The following PTPN6 variants were observed in gnomAD, a reference collection of about 807,000 sequenced individuals.
The protein encoded by PTPN6 is protein tyrosine phosphatase non-receptor type 6.
A neutral mutation model predicts 81.5 loss-of-function variants in PTPN6; 18 were observed. The observed-to-expected ratio is 0.22, with a 90% CI of 0.15 to 0.33. The LOEUF (loss-of-function observed/expected upper bound fraction) is 0.33, where lower values mean the gene tolerates loss of function less well. Ranked by LOEUF, PTPN6 falls within the 10% of genes least tolerant of loss-of-function variation. The probability of loss-of-function intolerance (pLI) is 1.00; values close to 1 mark genes in which losing one functional copy is unlikely to be tolerated. For synonymous variants in PTPN6, 301 were observed against 310.9 expected (o/e 0.97, Z 0.33); for missense variants, 500 against 794.2 (o/e 0.63, Z 4.45).
In PTPN6 at chr12:6,957,532, C is replaced by T; in HGVS notation, c.1075-122C>T. On this transcript the variant is annotated intron_variant, in intron 9 of 15. Coordinates refer to ENST00000318974, the MANE Select transcript of PTPN6 (RefSeq NM_002831.6). The surrounding 1 kb of genome is among the most constrained non-coding windows in gnomAD (Gnocchi z 6.5). ...CCCAGGTCTCCTGCCTCTCTGCCAGCCCATCCGTCCATCCAACAAATGTTT... is the reference window on the plus strand; with the variant it reads ...CCCAGGTCTCCTGCCTCTCTGCCAGTCCATCCGTCCATCCAACAAATGTTT... 3.0e-6 allele frequency: 4 copies of T among 1,330,766 alleles called. No homozygotes were observed. The highest frequency in any genetic ancestry group is 4.2e-6 in the Non-Finnish European group (4 of 961,252). The allele number at this position is 1,330,766 out of a possible 1,614,324, so 82.4% of individuals were successfully genotyped here. A position where few individuals can be genotyped will look rare whatever the true frequency, so the allele number is the denominator to read the frequency against.
Position 6,956,280 on chromosome 12 carries a change from G to A in PTPN6, c.924+59G>A, listed in dbSNP as rs1049269942. On this transcript the variant is annotated intron_variant, in intron 8 of 15. Coordinates refer to ENST00000318974, the MANE Select transcript of PTPN6 (RefSeq NM_002831.6). The surrounding 1 kb of genome is among the most constrained non-coding windows in gnomAD (Gnocchi z 4.1). ...GGGCCCTGGGAATTCCCTGTCTGGT[G>A]GGGGGACCCTAGATCCAGAGACAGC... 3.8e-5 allele frequency: 61 copies of A among 1,607,342 alleles called. No homozygotes were observed. Among genetic ancestry groups the A allele is most frequent in the Non-Finnish European group, 5.0e-5 (59 of 1,174,264 alleles).
Position 6,956,175 on chromosome 12 carries a change from A to G in PTPN6, c.878A>G (p.Asp293Gly), listed in dbSNP as rs782502543. Residue 293 changes from aspartate to glycine, a missense_variant, in exon 8 of 16, where the codon GAC (aspartate) becomes GGC (glycine). By Grantham distance (94) the Asp-to-Gly change is moderately conservative. This residue lies in a region of PTPN6 where 226 missense variants were observed against 364.4 expected (regional missense o/e 0.62). Transcript: ENST00000318974. The surrounding 1 kb of genome is among the most constrained non-coding windows in gnomAD (Gnocchi z 4.1). ...AGCCGAGTGATCCTGCAGGGACGGG[A>G]CAGTAACATCCCCGGGTCCGACTAC... ...DHSRVILQGR[D>G]SNIPGSDYIN... 1 of 1,614,144 alleles carries G rather than the reference A, an allele frequency of 6.2e-7. No homozygotes were observed. The highest frequency in any genetic ancestry group is 2.2e-5 in the East Asian group (1 of 44,872).
upstream of PTPN6, chr12:6,951,317 C>T (rs1422548513): frequency 4.7e-6 from 7 of 1,498,452 alleles, no homozygotes; most frequent in East Asian, 2.5e-5. This position sits in a 1 kb window ranked among gnomAD's most constrained non-coding sequence, Gnocchi z 7.2. Flanking sequence ...GGGTCGGCCG[C>T]GCCTCTTCCT....
rs1945933467 is a variant in PTPN6, at chr12:6,951,899, T to G, written c.132-84T>G. 2 of 1,556,238 alleles carry G rather than the reference T, an allele frequency of 1.3e-6. No homozygotes were observed. The highest frequency in any genetic ancestry group is 2.7e-5 in the African/African-American group (2 of 73,436). ...GTCTGTGCCCACCCATGCCCATGTG[T>G]GCCCCCACCCAGGACCTCAGCCGAT... On this transcript the variant is annotated intron_variant, in intron 2 of 15. Coordinates refer to ENST00000318974, the MANE Select transcript of PTPN6 (RefSeq NM_002831.6). The surrounding 1 kb of genome is among the most constrained non-coding windows in gnomAD (Gnocchi z 7.2).
In PTPN6 at chr12:6,951,465, T is replaced by G; in HGVS notation, c.-48T>G. The stretch of plus-strand genomic sequence containing the variant: ...GAGCTCTCTGCCTGCCCAGACTAGC[T>G]GCACCTCCTCATTCCCTGCGCCCCC... On this transcript the variant is annotated 5_prime_UTR_variant, in exon 1 of 16. Coordinates refer to ENST00000318974, the MANE Select transcript of PTPN6 (RefSeq NM_002831.6). This position sits in a 1 kb window ranked among gnomAD's most constrained non-coding sequence, Gnocchi z 7.2. 2 of 1,613,044 alleles carry G rather than the reference T, an allele frequency of 1.2e-6. No individual in the cohort carries two copies. The highest frequency in any genetic ancestry group is 1.7e-6 in the Non-Finnish European group (2 of 1,179,598).
At position 6,959,726 on chromosome 12, in the gene PTPN6, G is replaced by A. The variant is rs1360903835; in HGVS notation, c.1362-201G>A. The A allele has an allele frequency of 2.9e-5, 18 of 629,620 alleles. No homozygotes were observed. The highest frequency in any genetic ancestry group is 1.7e-4 in the South Asian group (9 of 54,524). The allele number at this position is 629,620 out of a possible 1,614,324, so 39.0% of individuals were successfully genotyped here. A position where few individuals can be genotyped will look rare whatever the true frequency, so the allele number is the denominator to read the frequency against. ...CAGCTGGGGAGCCAGCGTCAGCACC[G>A]CAGAGCCCGAGGTGGAGCGTGTCCA... On this transcript the variant is annotated intron_variant, in intron 11 of 15. Coordinates refer to ENST00000318974, the MANE Select transcript of PTPN6 (RefSeq NM_002831.6). The surrounding 1 kb of genome is among the most constrained non-coding windows in gnomAD (Gnocchi z 6.6).
At chr12:6,949,702 G>A (rs111714278), upstream of PTPN6, among the ~76,000 whole-genome samples, 1,509 of 152,154 alleles carry the variant, frequency 9.9e-3, 15 homozygotes, top group African/African-American at 0.034. Flanking sequence ...TTGTCAGGCG[G>A]GGATTCTGAG....
chr12:6,955,853 C>A lies in PTPN6; in HGVS notation c.844+97C>A. 1 of 1,153,136 alleles carries A rather than the reference C, an allele frequency of 8.7e-7. No individual in the cohort carries two copies. Among genetic ancestry groups the A allele is most frequent in the Non-Finnish European group, 1.3e-6 (1 of 772,786 alleles). 71.4% of individuals were successfully genotyped at this position (1,153,136 alleles called of 1,614,324 possible). A position where few individuals can be genotyped will look rare whatever the true frequency, so the allele number is the denominator to read the frequency against. ...TCTCCACCCTCCACGCCAGGAGGGG[C>A]CATCTCCCCACACCCCCCACAGAGC... On this transcript the variant is annotated intron_variant, in intron 7 of 15. Transcript: ENST00000318974. The surrounding 1 kb of genome is among the most constrained non-coding windows in gnomAD (Gnocchi z 7.2).
chr12:6,960,742 C>T lies in PTPN6; in HGVS notation c.1674-64C>T, dbSNP rs1333081180. On this transcript the variant is annotated intron_variant, in intron 14 of 15. Transcript: ENST00000318974. This position sits in a 1 kb window ranked among gnomAD's most constrained non-coding sequence, Gnocchi z 6.1. ...CCAGAGGGGACTGCCAGTGCCGGGT[C>T]CCCCTGTGCTGTCTCCTGACCTGCA... 1.9e-6 allele frequency: 3 copies of T among 1,551,558 alleles called. No homozygotes were observed. The highest frequency in any genetic ancestry group is 2.6e-6 in the Non-Finnish European group (3 of 1,147,022).
upstream of PTPN6, among the ~76,000 whole-genome samples, chr12:6,949,177 C>A (rs1340487629): frequency 6.6e-6 from 1 of 152,162 alleles, no homozygotes; most frequent in Non-Finnish European, 1.5e-5. Flanking sequence ...GGCCAGGCCT[C>A]CCCTGGTGCA....
Position 6,955,904 on chromosome 12 carries a change from C to A in PTPN6, c.844+148C>A. The A allele has an allele frequency of 1.1e-6, 1 of 872,878 alleles. No individual in the cohort carries two copies. The highest frequency in any genetic ancestry group is 1.4e-5 in the South Asian group (1 of 69,278). 54.1% of individuals were successfully genotyped at this position (872,878 alleles called of 1,614,324 possible). On this transcript the variant is annotated intron_variant, in intron 7 of 15. Transcript: ENST00000318974. This position sits in a 1 kb window ranked among gnomAD's most constrained non-coding sequence, Gnocchi z 7.2. ...CTCCCCCTTCTCCAAAAGGCCTCTA[C>A]TCCTCCCAGAAGTGCCTCCCCACCA...
chr12:6,952,368 C>T lies in PTPN6; in HGVS notation c.326+191C>T, dbSNP rs1591684429. 1 of 663,120 alleles carries T rather than the reference C, an allele frequency of 1.5e-6. No individual in the cohort carries two copies. 41.1% of individuals were successfully genotyped at this position (663,120 alleles called of 1,614,324 possible). On this transcript the variant is annotated intron_variant, in intron 3 of 15. Transcript: ENST00000318974. The surrounding 1 kb of genome is among the most constrained non-coding windows in gnomAD (Gnocchi z 8.1). ...ACCTGGTGTCTCAGAGCCTAACCTA[C>T]CACCCTTTCCACCTAACCCCGAGGA...
rs782455038 is a variant in PTPN6 at position 6,957,563 on chromosome 12, G to A, written c.1075-91G>A. 43 of 1,494,556 alleles carry A rather than the reference G, an allele frequency of 2.9e-5. No individual in the cohort carries two copies. Among genetic ancestry groups the A allele is most frequent in the Non-Finnish European group, 2.6e-5 (29 of 1,094,552 alleles). The allele number at this position is 1,494,556 out of a possible 1,614,324, so 92.6% of individuals were successfully genotyped here. A position where few individuals can be genotyped will look rare whatever the true frequency, so the allele number is the denominator to read the frequency against. On this transcript the variant is annotated intron_variant, in intron 9 of 15. Transcript: ENST00000318974. This position sits in a 1 kb window ranked among gnomAD's most constrained non-coding sequence, Gnocchi z 6.5. ...CGTCCATCCAACAAATGTTTGGGCC[G>A]GTGCCAGGCACTCAGAACATAGAGC...
chr12:6,960,552 C>A lies in PTPN6; in HGVS notation c.1673+117C>A. The A allele has an allele frequency of 7.0e-7, 1 of 1,431,884 alleles. No individual in the cohort carries two copies. Among genetic ancestry groups the A allele is most frequent in the Non-Finnish European group, 9.6e-7 (1 of 1,039,600 alleles). 88.7% of individuals were successfully genotyped at this position (1,431,884 alleles called of 1,614,324 possible). A position where few individuals can be genotyped will look rare whatever the true frequency, so the allele number is the denominator to read the frequency against. On this transcript the variant is annotated intron_variant, in intron 14 of 15. Coordinates refer to ENST00000318974, the MANE Select transcript of PTPN6 (RefSeq NM_002831.6). The surrounding 1 kb of genome is among the most constrained non-coding windows in gnomAD (Gnocchi z 6.1). ...GGGGGGACCTGGCTTCAAGTTCAGG[C>A]TTGGTTCTCACCCCTTCTGTTCATA...
Position 6,960,725 on chromosome 12 carries a change from G to A in PTPN6, c.1674-81G>A, listed in dbSNP as rs1246662308. 10 of 1,551,534 alleles carry A rather than the reference G, an allele frequency of 6.4e-6. No individual in the cohort carries two copies. The highest frequency in any genetic ancestry group is 8.7e-6 in the Non-Finnish European group (10 of 1,146,978). ...CCTGTGAGACGGGGTGGCCAGAGGG[G>A]ACTGCCAGTGCCGGGTCCCCCTGTG... On this transcript the variant is annotated intron_variant, in intron 14 of 15. Transcript: ENST00000318974. The surrounding 1 kb of genome is among the most constrained non-coding windows in gnomAD (Gnocchi z 6.1).
Position 6,955,851 on chromosome 12 carries a change from G to GTGGA in PTPN6, c.844+95_844+96insTGGA. On this transcript the variant is annotated intron_variant, in intron 7 of 15. Coordinates refer to ENST00000318974, the MANE Select transcript of PTPN6 (RefSeq NM_002831.6). The surrounding 1 kb of genome is among the most constrained non-coding windows in gnomAD (Gnocchi z 7.2). Reference sequence around the variant, plus strand: ...GGTCTCCACCCTCCACGCCAGGAGGGGCCATCTCCCCACACCCCCCACAGA... The same window carrying GTGGA: ...GGTCTCCACCCTCCACGCCAGGAGGGTGGAGCCATCTCCCCACACCCCCCACAGA... 3 of 1,209,928 alleles carry GTGGA rather than the reference G, an allele frequency of 2.5e-6. No individual in the cohort carries two copies. The highest frequency in any genetic ancestry group is 3.6e-6 in the Non-Finnish European group (3 of 823,484). The allele number at this position is 1,209,928 out of a possible 1,614,324, so 74.9% of individuals were successfully genotyped here.
Position 6,952,579 on chromosome 12 carries a change from T to G in PTPN6, c.326+402T>G. ...GTCTGCCCCTCACCCCAGCACATGT[T>G]AGGACAGTGAGGAGCTGACACTGGG... On this transcript the variant is annotated intron_variant, in intron 3 of 15. Coordinates refer to ENST00000318974, the MANE Select transcript of PTPN6 (RefSeq NM_002831.6). The surrounding 1 kb of genome is among the most constrained non-coding windows in gnomAD (Gnocchi z 8.1). The G allele has an allele frequency of 3.2e-6, 1 of 315,458 alleles. No homozygotes were observed. The highest frequency in any genetic ancestry group is 6.2e-6 in the Non-Finnish European group (1 of 161,152). 19.5% of individuals were successfully genotyped at this position (315,458 alleles called of 1,614,324 possible).
chr12:6,955,237 G>A lies in PTPN6; in HGVS notation c.603G>A (p.Glu201=), dbSNP rs1946005310. Residue 201 remains glutamate, a synonymous_variant, in exon 5 of 16, where the codon GAG becomes GAA. Coordinates refer to ENST00000318974, the MANE Select transcript of PTPN6 (RefSeq NM_002831.6). This position sits in a 1 kb window ranked among gnomAD's most constrained non-coding sequence, Gnocchi z 7.2. ...VEHFKKTGIE[E]ASGAFVYLRQ... is the part of the protein sequence containing the mutation. ...ATTTCAAGAAGACGGGGATTGAGGAGGCCTCAGGCGCCTTTGTCTACCTGC... is the reference window on the plus strand; with the variant it reads ...ATTTCAAGAAGACGGGGATTGAGGAAGCCTCAGGCGCCTTTGTCTACCTGC... 6.2e-7 allele frequency: 1 copy of A among 1,614,086 alleles called. No homozygotes were observed. Among genetic ancestry groups the A allele is most frequent in the Non-Finnish European group, 8.5e-7 (1 of 1,180,034 alleles).
Position 6,957,693 on chromosome 12 carries a change from C to T in PTPN6, c.1114C>T (p.Arg372Cys), listed in dbSNP as rs370538000. 1.9e-5 allele frequency: 30 copies of T among 1,613,932 alleles called. No homozygotes were observed. Among genetic ancestry groups the T allele is most frequent in the East Asian group, 4.5e-5 (2 of 44,874 alleles). ...VPYWPEVGMQRAYGPYSVTNC... is the reference protein window; with the variant it reads ...VPYWPEVGMQCAYGPYSVTNC... Reference sequence around the variant, plus strand: ...ATACTGGCCCGAGGTGGGCATGCAGCGTGCTTATGGGCCCTACTCTGTGAC... The same window carrying T: ...ATACTGGCCCGAGGTGGGCATGCAGTGTGCTTATGGGCCCTACTCTGTGAC... Residue 372 changes from arginine to cysteine, a missense_variant, in exon 10 of 16, where the codon CGT (arginine) becomes TGT (cysteine). This residue lies in a region of PTPN6 where 226 missense variants were observed against 364.4 expected (regional missense o/e 0.62). Transcript: ENST00000318974. This position sits in a 1 kb window ranked among gnomAD's most constrained non-coding sequence, Gnocchi z 6.5.
Sources: allele counts gnomAD v4.1 joint callset (sites outside exome capture counted in the v4.1 genomes callset), GRCh38; gene constraint gnomAD v4.1.1; regional missense constraint gnomAD v4.1.1; non-coding constraint Gnocchi (gnomAD v3.1); transcripts MANE v1.5; gene names NCBI Gene and HGNC (gene_info 2026-07-23, HGNC 2026-07-21).